Variants in GET1 observed in about 807,000 individuals in gnomAD.
The protein encoded by GET1 is guided entry of tail-anchored proteins factor 1.
Under a neutral mutation model 22.6 loss-of-function variants are expected in GET1, and 20 were observed. The observed-to-expected ratio is 0.89, with a 90% CI of 0.62 to 1.29. GET1 has a LOEUF of 1.29. Ranked by LOEUF, GET1 falls within the 50% of genes most tolerant of loss-of-function variation. The pLI is 0.00. For missense variants in GET1, 209 were observed against 219.9 expected (o/e 0.95, Z 0.31); for synonymous variants, 92 against 83.8 (o/e 1.10, Z -0.53).
At chr21:39,398,918 T>G (rs2038769824), downstream of GET1, among the ~76,000 whole-genome samples, 1 of 151,100 alleles carries the variant, frequency 6.6e-6, no homozygotes, top group African/African-American at 2.4e-5. Context: ...TTTTGTATTT[T>G]TAGTAGAGAC....
intron 1 of GET1, among the ~76,000 whole-genome samples, chr21:39,414,742 C>CTCTCTCTGTGTG (rs1341489035): frequency 2.0e-5 from 2 of 99,176 alleles, no homozygotes; most frequent in African/African-American, 4.4e-5. Context: ...CTCTCTCTCT[C>CTCTCTCTGTGTG]TGTGTGTGTG....
downstream of GET1, among the ~76,000 whole-genome samples, chr21:39,402,026 A>G (rs759024169): frequency 6.6e-6 from 1 of 152,184 alleles, no homozygotes; most frequent in Non-Finnish European, 1.5e-5. Flanking sequence ...CCTAATTTCA[A>G]TAATAATGAT....
chr21:39,383,086 G>A (rs1029747468), intron 1 of GET1, among the ~76,000 whole-genome samples: 5 of 151,464 alleles, frequency 3.3e-5, no homozygotes, highest in African/African-American at 2.4e-5. Flanking sequence ...GAGTAGCTGG[G>A]ACTACAGGTG....
At chr21:39,423,855 CTAAAAGCTGTGATAA>C (rs1248196582) in intron 1 of GET1, among the ~76,000 whole-genome samples, 1 of 152,072 alleles carries the variant, frequency 6.6e-6, no homozygotes, top group African/African-American at 2.4e-5. Flanking sequence ...AACAGCTAGA[CTAAAAGCTGTGATAA>C]TAGGCCAGGT....
intron 1 of GET1, chr21:39,411,638 C>G: frequency 4.6e-6 from 3 of 652,382 alleles, no homozygotes; most frequent in Non-Finnish European, 7.9e-6. Flanking sequence ...TGAAAATATC[C>G]ATTATTTTGT....
intron 2 of GET1, chr21:39,391,477 G>T: frequency 2.8e-6 from 1 of 355,264 alleles, no homozygotes; most frequent in Non-Finnish European, 5.2e-6. Flanking sequence ...AGTCCTGTTG[G>T]TAAGTGGTAA....
chr21:39,406,432 A>G (rs769472748), exon 5 of GET1: 2 of 1,614,116 alleles, frequency 1.2e-6, no homozygotes, highest in Non-Finnish European at 1.7e-6. Context: ...TTCTCTTACT[A>G]GAACATCTTC....
At chr21:39,428,046 C>T in intron 1 of GET1, 4 of 642,708 alleles carry the variant, frequency 6.2e-6, no homozygotes, top group Non-Finnish European at 8.4e-6. Context: ...AAAAGTTCAC[C>T]TATAATACAC....
chr21:39,393,731 C>T (rs1041311941), intron 4 of GET1, among the ~76,000 whole-genome samples: 1 of 152,162 alleles, frequency 6.6e-6, no homozygotes, highest in African/African-American at 2.4e-5. Flanking sequence ...ACTGCAACAA[C>T]CTCTGCCTCC....
At chr21:39,391,890 A>G (rs764449931) in intron 3 of GET1, 54 bp downstream of exon 3, 1 of 1,581,230 alleles carries the variant, frequency 6.3e-7, no homozygotes, top group East Asian at 2.2e-5. Context: ...CCCGGCCTCC[A>G]GAGCCGTGTC....
At chr21:39,394,036 A>G (rs933196978) in intron 4 of GET1, among the ~76,000 whole-genome samples, 51 of 152,340 alleles carry the variant, frequency 3.3e-4, no homozygotes, top group African/African-American at 1.0e-3. Flanking sequence ...ATAGCTATCA[A>G]TTAAAAATCC....
At chr21:39,410,834 A>G (rs919467542), downstream of GET1, 6 of 471,140 alleles carry the variant, frequency 1.3e-5, no homozygotes, top group East Asian at 1.4e-4. Flanking sequence ...CATTGTCTCT[A>G]TTATTCTAGA....
intron 4 of GET1, among the ~76,000 whole-genome samples, chr21:39,396,382 G>C (rs923619516): frequency 3.3e-5 from 5 of 152,156 alleles, no homozygotes; most frequent in African/African-American, 1.2e-4. Flanking sequence ...CAAAAAATTA[G>C]CCGGGTGCGG....
At chr21:39,424,272 C>T (rs1403605316) in intron 1 of GET1, among the ~76,000 whole-genome samples, 1 of 152,176 alleles carries the variant, frequency 6.6e-6, no homozygotes, top group Admixed American at 6.5e-5. Flanking sequence ...CCTTGGCCTC[C>T]CAAAGTGCTG....
chr21:39,381,065 GC>G, intron 1 of GET1: 1 of 633,180 alleles, frequency 1.6e-6, no homozygotes. Flanking sequence ...GCTGGGAGAG[GC>G]GAGTATTATC....
rs371207364 is a variant in GET1, at chr21:39,418,267, G to A, written c.*23+7330G>A. ...ACCATATCAAGGATATTACAGTTTC[G>A]TTTGCCTTCCTTTCTTCACTTACCA... On this transcript the variant is annotated intron_variant, in intron 1 of 1. Transcript: ENST00000478273. Among the ~76,000 whole-genome samples, 27 of 152,196 alleles carry A rather than the reference G, an allele frequency of 1.8e-4. 1 individual carries two copies. In the East Asian group the frequency reaches 4.1e-3, roughly 23 times the overall value.
downstream of GET1, chr21:39,410,097 C>G (rs770209550): frequency 6.3e-7 from 1 of 1,594,528 alleles, no homozygotes; most frequent in Non-Finnish European, 8.6e-7. Context: ...CCTTTTTACC[C>G]TGTAATTTAG....
At chr21:39,392,786 C>G (rs2837003) in intron 3 of GET1, 143,956 of 192,742 alleles carry the variant, frequency 0.75, 53,899 homozygotes, top group East Asian at 0.8. Flanking sequence ...GCTACTCAAA[C>G]GAGATACTCA....
At chr21:39,401,691 C>T (rs2038842748), downstream of GET1, among the ~76,000 whole-genome samples, 2 of 152,198 alleles carry the variant, frequency 1.3e-5, no homozygotes, top group Non-Finnish European at 2.9e-5. Flanking sequence ...TCTGTGGCAA[C>T]CCTGCATCGA....
Sources: gnomAD v4.1 joint callset for allele counts (sites outside exome capture counted in the v4.1 genomes callset) on GRCh38, gnomAD v4.1.1 for gene constraint, MANE v1.5 for transcripts, NCBI Gene and HGNC (gene_info 2026-07-23, HGNC 2026-07-21) for gene names.